The following SMC6 variants were observed in gnomAD, a reference collection of about 807,000 sequenced individuals.
SMC6 encodes structural maintenance of chromosomes protein 6.
In SMC6, 79 loss-of-function variants were observed where a neutral mutation model predicts 142.2. The observed-to-expected ratio is 0.56, with a 90% CI of 0.46 to 0.67. SMC6 has a LOEUF of 0.67. Among genes scored for constraint, SMC6 ranks in the 30% least tolerant of loss-of-function variants. The pLI is 0.00. For synonymous variants in SMC6, 411 were observed against 412.4 expected (o/e 1.00, Z 0.04); for missense variants, 1,072 against 1,284.0 (o/e 0.83, Z 2.52).
intron 1 of SMC6, among the ~76,000 whole-genome samples, chr2:17,753,407 C>G (rs114117105): frequency 0.053 from 5,522 of 104,290 alleles, 296 homozygotes; most frequent in African/African-American, 0.19. Flanking sequence ...CTCAGGAGAC[C>G]GGTGCCGCCT....
At chr2:17,752,932 G>A in intron 2 of SMC6, 46 bp downstream of exon 2, 10 of 746,118 alleles carry the variant, frequency 1.3e-5, no homozygotes, top group Non-Finnish European at 1.6e-5. Context: ...TCTGTCTTGA[G>A]GGCTCAAACA....
At chr2:17,682,615 A>G (rs1667282774) in intron 24 of SMC6, among the ~76,000 whole-genome samples, 1 of 151,936 alleles carries the variant, frequency 6.6e-6, no homozygotes, top group African/African-American at 2.4e-5. Context: ...ACGACCAGGA[A>G]TAGTTCATGT....
chr2:17,707,886 T>G (rs918865505), intron 17 of SMC6, among the ~76,000 whole-genome samples: 11 of 151,966 alleles, frequency 7.2e-5, no homozygotes, highest in African/African-American at 2.7e-4. Flanking sequence ...TCAACCTCTC[T>G]GGGGACAGAC....
At chr2:17,701,979 A>G in intron 19 of SMC6, 70 bp from the exon 20 acceptor site, 1 of 782,900 alleles carries the variant, frequency 1.3e-6, no homozygotes, top group South Asian at 1.7e-5. Context: ...GAAAGGATTC[A>G]TTAATCTACA....
At chr2:17,739,879 AACACACACACACACACAC>A (rs60784309) in intron 4 of SMC6, among the ~76,000 whole-genome samples, 64 of 115,538 alleles carry the variant, frequency 5.5e-4, no homozygotes, top group East Asian at 1.4e-3. Context: ...GAATATGGTA[AACACACACACACACACAC>A]ACACACACAC....
At chr2:17,681,795 T>C (rs1339610090) in intron 24 of SMC6, 2 of 152,172 alleles carry the variant, frequency 1.3e-5, no homozygotes, top group Admixed American at 6.6e-5. Flanking sequence ...GTCTGAAATA[T>C]TGCAAAAATT....
chr2:17,700,778 TC>T (rs1668231761), intron 20 of SMC6, among the ~76,000 whole-genome samples: 1 of 152,066 alleles, frequency 6.6e-6, no homozygotes, highest in Non-Finnish European at 1.5e-5. Flanking sequence ...ATGCGTGTAA[TC>T]CCAGCACTTT....
At chr2:17,686,200 G>C (rs554262698) in intron 23 of SMC6, among the ~76,000 whole-genome samples, 2 of 152,136 alleles carry the variant, frequency 1.3e-5, no homozygotes, top group African/African-American at 2.4e-5. Flanking sequence ...ATTTGGCCAG[G>C]TACGGTATCT....
chr2:17,717,864 A>G (rs1669174512), intron 12 of SMC6, among the ~76,000 whole-genome samples: 1 of 151,692 alleles, frequency 6.6e-6, no homozygotes, highest in African/African-American at 2.4e-5. Context: ...AGATGTCTGT[A>G]GTCCCAGCTA....
chr2:17,669,559 A>G (rs1666660181), intron 26 of SMC6, among the ~76,000 whole-genome samples: 1 of 152,172 alleles, frequency 6.6e-6, no homozygotes, highest in African/African-American at 2.4e-5. Flanking sequence ...ATAATAGAAA[A>G]ACAGGAAAAC....
At position 17,695,305 on chromosome 2, in the gene SMC6, AGT is replaced by A; in HGVS notation, c.2533-10_2533-9del. 1.9e-6 allele frequency: 3 copies of A among 1,610,734 alleles called. No homozygotes were observed. Among genetic ancestry groups the A allele is most frequent in the Non-Finnish European group, 2.5e-6 (3 of 1,179,270 alleles). On this transcript the variant is annotated splice_polypyrimidine_tract_variant and intron_variant, in intron 22 of 27. Transcript: ENST00000448223. ...TGCTTGTGACATTTTCTCCTAAGAA[AGT>A]AGATGTTTATATCTTTAAAACTCTT...
At chr2:17,736,867 G>T (rs1283389026) in intron 5 of SMC6, among the ~76,000 whole-genome samples, 1 of 132,254 alleles carries the variant, frequency 7.6e-6, no homozygotes, top group Admixed American at 7.1e-5. Flanking sequence ...GTGAGACTCT[G>T]TCTCAAAAAA....
intron 15 of SMC6, among the ~76,000 whole-genome samples, chr2:17,715,853 T>C (rs887489332): frequency 1.5e-4 from 23 of 152,196 alleles, no homozygotes; most frequent in African/African-American, 5.5e-4. Flanking sequence ...CATTCATTTA[T>C]TCAGAAAAAC....
Position 17,691,338 on chromosome 2 carries a change from GTGTGTGTGTGTC to G in SMC6, c.2678+3802_2678+3813del, listed in dbSNP as rs1213906539. Among the ~76,000 whole-genome samples the G allele has an allele frequency of 7.2e-4, 68 of 94,756 alleles. 1 individual carries two copies. Among genetic ancestry groups the G allele is most frequent in the African/African-American group, 4.0e-3 (63 of 15,666 alleles). The allele number at this position is 94,756 out of a possible 152,430, so 62.2% of individuals were successfully genotyped here. ...GGTGTGTGTGTGTGTGTGTGTCTCT[GTGTGTGTGTGTC>G]TGTGTGTGTGTGTGTGTATACACAT... On this transcript the variant is annotated intron_variant, in intron 23 of 27. Coordinates refer to ENST00000448223, the MANE Select transcript of SMC6 (RefSeq NM_001142286.2).
intron 2 of SMC6, among the ~76,000 whole-genome samples, chr2:17,750,751 A>G (rs1187951610): frequency 1.3e-5 from 2 of 152,182 alleles, no homozygotes; most frequent in African/African-American, 4.8e-5. Flanking sequence ...CTGCAATCTC[A>G]GTACTTTGGA....
chr2:17,729,903 A>G (rs1045834890), intron 7 of SMC6, among the ~76,000 whole-genome samples: 11 of 152,184 alleles, frequency 7.2e-5, no homozygotes, highest in Middle Eastern at 3.2e-3. Flanking sequence ...AATAGCATAG[A>G]TACAGGACAC....
rs1432944395 is a variant in SMC6 at position 17,747,497 on chromosome 2, CTT to C, written c.-5-1548_-5-1547del. 5.0e-4 allele frequency among the ~76,000 whole-genome samples: 62 copies of C among 122,926 alleles called. 1 individual carries two copies. In the East Asian group the frequency reaches 9.5e-3, roughly 19 times the overall value. 80.6% of individuals were successfully genotyped at this position (122,926 alleles called of 152,430 possible). ...AAATTAAAACTAAACAACTTTTTTT[CTT>C]TTTCTTTCTTTTTTTTTTTTTTTTG... is the stretch of plus-strand genomic sequence containing the variant. On this transcript the variant is annotated intron_variant, in intron 2 of 27. Transcript: ENST00000448223.
At chr2:17,729,582 T>C (rs575237866) in intron 7 of SMC6, among the ~76,000 whole-genome samples, 1 of 152,290 alleles carries the variant, frequency 6.6e-6, no homozygotes, top group South Asian at 2.1e-4. Context: ...ACAGGGTAAA[T>C]ACAGAGTACT....
intron 26 of SMC6, 78 bp downstream of exon 26, chr2:17,670,341 TAAAG>T: frequency 2.1e-6 from 3 of 1,429,426 alleles, no homozygotes; most frequent in Non-Finnish European, 2.8e-6. Flanking sequence ...GGGGTAAAAC[TAAAG>T]AAAGATTTCC....
Sources: allele counts gnomAD v4.1 joint callset (sites outside exome capture counted in the v4.1 genomes callset), GRCh38; gene constraint gnomAD v4.1.1; transcripts MANE v1.5; gene names NCBI Gene and HGNC (gene_info 2026-07-23, HGNC 2026-07-21).